C3orf20: variants seen among roughly 807,000 people sequenced by gnomAD.
C3orf20 encodes uncharacterized protein C3orf20.
C3orf20 carries 76 observed loss-of-function variants against 88.3 expected under a neutral mutation model. That is an observed-to-expected ratio of 0.86 (90% CI 0.72 to 1.04). C3orf20 has a LOEUF of 1.04. C3orf20 is among the 50% of genes least tolerant of loss of function. The pLI, the probability that C3orf20 is intolerant of heterozygous loss-of-function variation, is 0.00. For synonymous variants in C3orf20, 436 were observed against 437.4 expected, an observed-to-expected ratio of 1.00 and a Z score of 0.04; for missense variants, 1,056 against 1,123.3, an observed-to-expected ratio of 0.94 and a Z score of 0.86.
intron 12 of C3orf20, among the ~76,000 whole-genome samples, chr3:14,751,326 T>A (rs1478274372): frequency 6.6e-6 from 1 of 152,182 alleles, no homozygotes; most frequent in African/African-American, 2.4e-5. Flanking sequence ...GGGTGATTTC[T>A]GCATTTCCAA....
Position 14,754,262 on chromosome 3 carries a change from G to C in C3orf20, c.1941-3109G>C, listed in dbSNP as rs74765923. Reference sequence around the variant, plus strand: ...CACCTGACAGATGCTTCCCAGGAGGGACTGCTCCAGCCCTGAGAATGTTGC... The same window carrying C: ...CACCTGACAGATGCTTCCCAGGAGGCACTGCTCCAGCCCTGAGAATGTTGC... On this transcript the variant is annotated intron_variant, in intron 12 of 16. Coordinates refer to ENST00000253697, the MANE Select transcript of C3orf20 (RefSeq NM_032137.5). Among the ~76,000 whole-genome samples the C allele has an allele frequency of 5.2e-3, 786 of 152,280 alleles. 10 individuals are homozygous for C. The highest frequency in any genetic ancestry group is 0.018 in the African/African-American group (732 of 41,554).
At chr3:14,745,853 C>A (rs9810305) in intron 12 of C3orf20, among the ~76,000 whole-genome samples, 41,614 of 151,952 alleles carry the variant, frequency 0.27, 6,586 homozygotes, top group African/African-American at 0.43. Context: ...TAAAATTGAC[C>A]ATTTTAACCA....
At chr3:14,698,190 C>T (rs2033094229) in intron 5 of C3orf20, among the ~76,000 whole-genome samples, 1 of 151,234 alleles carries the variant, frequency 6.6e-6, no homozygotes, top group South Asian at 2.2e-4. Flanking sequence ...TCTGTGTTAT[C>T]TTGAATTTCT....
intron 4 of C3orf20, among the ~76,000 whole-genome samples, chr3:14,686,502 T>G (rs546048849): frequency 6.6e-4 from 100 of 152,360 alleles, no homozygotes; most frequent in Non-Finnish European, 1.1e-3. Flanking sequence ...ACTTGTTAGC[T>G]TTTGTCATTT....
At chr3:14,747,226 A>G (rs1269491694) in intron 12 of C3orf20, among the ~76,000 whole-genome samples, 1 of 152,212 alleles carries the variant, frequency 6.6e-6, no homozygotes, top group African/African-American at 2.4e-5. Flanking sequence ...TCAGTGAAAA[A>G]GGTAGGTATT....
At chr3:14,714,737 T>A (rs2033879827) in intron 8 of C3orf20, among the ~76,000 whole-genome samples, 2 of 152,172 alleles carry the variant, frequency 1.3e-5, no homozygotes, top group Non-Finnish European at 1.5e-5. Context: ...CTGGGTTAGC[T>A]GGGACTACAG....
Position 14,757,435 on chromosome 3 carries a change from G to T in C3orf20, c.2005G>T (p.Val669Leu). 6.2e-7 allele frequency: 1 copy of T among 1,612,326 alleles called. No homozygotes were observed. Among genetic ancestry groups the T allele is most frequent in the South Asian group, 1.1e-5 (1 of 91,008 alleles). The part of the protein sequence containing the change: ...WAALPSDCPL[V>L]LRKLMLKEDT... ...GGCCTTGCCCTCAGACTGCCCGCTG[G>T]TGCTGCGGAAGCTCATGCTCAAGGA... Residue 669 changes from valine (V) to leucine (L), a missense_variant, in exon 13 of 17, where the codon GTG (valine) becomes TTG (leucine). By Grantham distance (32) the Val-to-Leu change is conservative. Coordinates refer to ENST00000253697, the MANE Select transcript of C3orf20 (RefSeq NM_032137.5).
At chr3:14,730,259 G>A (rs1325777992) in intron 12 of C3orf20, among the ~76,000 whole-genome samples, 2 of 151,966 alleles carry the variant, frequency 1.3e-5, no homozygotes, top group Admixed American at 6.6e-5. Context: ...TATAATAATC[G>A]ATTTTAGGCC....
At chr3:14,769,687 C>T (rs1204685606) in intron 15 of C3orf20, among the ~76,000 whole-genome samples, 1 of 152,170 alleles carries the variant, frequency 6.6e-6, no homozygotes, top group Non-Finnish European at 1.5e-5. Flanking sequence ...CAGGGAACCA[C>T]ACACTGGCTT....
chr3:14,763,295 G>C (rs1277114050), intron 15 of C3orf20, among the ~76,000 whole-genome samples: 3 of 152,164 alleles, frequency 2.0e-5, no homozygotes, highest in African/African-American at 7.2e-5. Context: ...TCTGGAGGCT[G>C]GTAAGTCCAA....
At chr3:14,677,982 G>GTTTCCCAACTTCAGTAA (rs1190354915) in intron 1 of C3orf20, among the ~76,000 whole-genome samples, 1 of 152,096 alleles carries the variant, frequency 6.6e-6, no homozygotes, top group East Asian at 1.9e-4. Context: ...AACTTCAGTA[G>GTTTCCCAACTTCAGTAA]TTTCCCATCA....
At chr3:14,728,255 G>A (rs2034422130) in intron 11 of C3orf20, among the ~76,000 whole-genome samples, 184 bp from the exon 12 acceptor site, 1 of 152,156 alleles carries the variant, frequency 6.6e-6, no homozygotes, top group Admixed American at 6.5e-5. Context: ...CAGTGTCACT[G>A]ATGAGTGCAC....
chr3:14,723,963 G>A (rs1294909367), intron 10 of C3orf20, among the ~76,000 whole-genome samples: 4 of 152,024 alleles, frequency 2.6e-5, no homozygotes, highest in Non-Finnish European at 1.5e-5. Flanking sequence ...AGGATTACAG[G>A]TGCCTACCAC....
chr3:14,766,162 T>C (rs561376104), intron 15 of C3orf20, among the ~76,000 whole-genome samples: 22 of 152,308 alleles, frequency 1.4e-4, no homozygotes, highest in African/African-American at 5.0e-4. Context: ...GGAGCCTCCC[T>C]GTCCCCCACT....
chr3:14,689,684 C>A (rs757330323), intron 4 of C3orf20, among the ~76,000 whole-genome samples: 1 of 151,934 alleles, frequency 6.6e-6, no homozygotes, highest in Non-Finnish European at 1.5e-5. Context: ...TGACCTGGTG[C>A]AGCACTGATA....
At chr3:14,754,851 A>C (rs771090756) in intron 12 of C3orf20, among the ~76,000 whole-genome samples, 47 of 152,064 alleles carry the variant, frequency 3.1e-4, no homozygotes, top group Non-Finnish European at 5.7e-4. Context: ...CAGCCTCCCA[A>C]GAAACTGGGA....
chr3:14,722,629 C>G (rs2034207183), intron 10 of C3orf20: 3 of 455,478 alleles, frequency 6.6e-6, no homozygotes, highest in Non-Finnish European at 1.3e-5. Flanking sequence ...TTCTAGACTG[C>G]TTTCGTTTCA....
chr3:14,738,767 A>C (rs1431169628), intron 12 of C3orf20, among the ~76,000 whole-genome samples: 7 of 119,654 alleles, frequency 5.9e-5, no homozygotes, highest in Admixed American at 3.4e-4. Flanking sequence ...CAACCTCCTG[A>C]GTAGCTGGGA....
chr3:14,763,706 A>G (rs148382883), intron 15 of C3orf20, among the ~76,000 whole-genome samples: 31 of 152,274 alleles, frequency 2.0e-4, no homozygotes, highest in Non-Finnish European at 3.2e-4. Context: ...GAACTGTGTA[A>G]AACACTCACC....
Sources: gnomAD v4.1 joint callset for allele counts (sites outside exome capture counted in the v4.1 genomes callset) on GRCh38, gnomAD v4.1.1 for gene constraint, MANE v1.5 for transcripts, NCBI Gene and HGNC (gene_info 2026-07-23, HGNC 2026-07-21) for gene names.